Variants in ATP1B3 observed in about 807,000 individuals in gnomAD.
ATP1B3 encodes sodium/potassium-transporting ATPase subunit beta-3.
A neutral mutation model predicts 30.2 loss-of-function variants in ATP1B3; 10 were observed. The ratio of observed to expected loss-of-function variants is 0.33; its 90% CI spans 0.20 to 0.56. The LOEUF (loss-of-function observed/expected upper bound fraction) is 0.56, where lower values mean the gene tolerates loss of function less well. Ranked by LOEUF, ATP1B3 falls within the 20% of genes least tolerant of loss-of-function variation. The probability of loss-of-function intolerance (pLI) is 0.90; values close to 1 mark genes in which losing one functional copy is unlikely to be tolerated. For missense variants in ATP1B3, 238 were observed against 336.7 expected (o/e 0.71, Z 2.29); for synonymous variants, 113 against 117.0 (o/e 0.97, Z 0.22).
At chr3:141,877,362 C>G (rs1933625934) in intron 1 of ATP1B3, among the ~76,000 whole-genome samples, 1 of 152,156 alleles carries the variant, frequency 6.6e-6, no homozygotes, top group Admixed American at 6.5e-5. Flanking sequence ...AGACCCTGCC[C>G]CACTCCAGGG....
chr3:141,876,643 A>G lies in ATP1B3; in HGVS notation c.-159A>G. 2.6e-6 allele frequency: 1 copy of G among 389,940 alleles called. No individual in the cohort carries two copies. The highest frequency in any genetic ancestry group is 5.2e-5 in the East Asian group (1 of 19,272). 24.2% of individuals were successfully genotyped at this position (389,940 alleles called of 1,614,324 possible). A position where few individuals can be genotyped will look rare whatever the true frequency, so the allele number is the denominator to read the frequency against. Reference sequence around the variant, plus strand: ...GCGGCCGCCCGGCGCGGCGCGGCGCAGTCGGCTCGAGTACTCCCCGTAACG... The same window carrying G: ...GCGGCCGCCCGGCGCGGCGCGGCGCGGTCGGCTCGAGTACTCCCCGTAACG... On this transcript the variant is annotated 5_prime_UTR_variant, in exon 1 of 7. Transcript: ENST00000286371.
At chr3:141,918,034 C>T (rs1489501762) in intron 5 of ATP1B3, among the ~76,000 whole-genome samples, 1 of 152,088 alleles carries the variant, frequency 6.6e-6, no homozygotes, top group Non-Finnish European at 1.5e-5. Context: ...TCCCAAAGTG[C>T]TGGGATTACA....
At chr3:141,893,531 C>G (rs1072982) in intron 1 of ATP1B3, among the ~76,000 whole-genome samples, 84,745 of 151,832 alleles carry the variant, frequency 0.56, 24,211 homozygotes, top group African/African-American at 0.68. Flanking sequence ...TGTTAGCCCA[C>G]TGTCATAGAA....
In ATP1B3 at chr3:141,890,285, C is replaced by CTTTTTT. The variant is rs775182342; in HGVS notation, c.110-13305_110-13300dup. ...TTTGTTTGTTTGTTTTTTTGTGGGG[C>CTTTTTT]TTTTTTTTTTTTTTTTTTTTTTTTT... On this transcript the variant is annotated intron_variant, in intron 1 of 6. Transcript: ENST00000286371. 4.9e-4 allele frequency among the ~76,000 whole-genome samples: 14 copies of CTTTTTT among 28,562 alleles called. 2 individuals carry two copies. Among genetic ancestry groups the CTTTTTT allele is most frequent in the South Asian group, 3.7e-3 (2 of 540 alleles). The allele number at this position is 28,562 out of a possible 152,430, so 18.7% of individuals were successfully genotyped here. A position where few individuals can be genotyped will look rare whatever the true frequency, so the allele number is the denominator to read the frequency against.
intron 5 of ATP1B3, chr3:141,918,159 A>G (rs1008042385): frequency 6.6e-6 from 1 of 152,210 alleles, no homozygotes; most frequent in African/African-American, 2.4e-5. Context: ...AGATACATTT[A>G]GAAAAAATGT....
intron 1 of ATP1B3, among the ~76,000 whole-genome samples, chr3:141,897,811 G>A (rs577059554): frequency 3.9e-5 from 6 of 152,254 alleles, no homozygotes; most frequent in Admixed American, 6.5e-5. Flanking sequence ...CTAGGCTGAA[G>A]CGATTCTCCC....
intron 2 of ATP1B3, 145 bp downstream of exon 2, chr3:141,903,893 T>C (rs1190165293): frequency 8.5e-6 from 8 of 938,462 alleles, no homozygotes; most frequent in Non-Finnish European, 1.2e-5. Flanking sequence ...GCGATTCTCC[T>C]GCCTCCTCAG....
At chr3:141,892,940 C>A (rs555139616) in intron 1 of ATP1B3, among the ~76,000 whole-genome samples, 1 of 152,248 alleles carries the variant, frequency 6.6e-6, no homozygotes, top group South Asian at 2.1e-4. Flanking sequence ...TAAGGAAAAG[C>A]AATTAAAACA....
intron 1 of ATP1B3, 88 bp downstream of exon 1, chr3:141,876,998 G>A (rs915790218): frequency 2.8e-6 from 3 of 1,057,020 alleles, no homozygotes; most frequent in African/African-American, 1.7e-5. Context: ...GGCGGGAGGC[G>A]GCTCCCAGCG....
At chr3:141,899,949 T>G (rs1438985142) in intron 1 of ATP1B3, among the ~76,000 whole-genome samples, 4 of 152,114 alleles carry the variant, frequency 2.6e-5, no homozygotes, top group Non-Finnish European at 5.9e-5. Context: ...GAGAATCACT[T>G]GAGCCGAGGA....
rs186907171 is a variant in ATP1B3 at position 141,915,631 on chromosome 3, T to G, written c.532-339T>G. Among the ~76,000 whole-genome samples, 707 of 152,322 alleles carry G rather than the reference T, an allele frequency of 4.6e-3. 1 individual carries two copies. Among genetic ancestry groups the G allele is most frequent in the Non-Finnish European group, 7.6e-3 (520 of 68,036 alleles). ...CTTCTGCAGTTCTTATTATATACATTAAATTATTTGTTCATATAAATATTA... is the reference window on the plus strand; with the variant it reads ...CTTCTGCAGTTCTTATTATATACATGAAATTATTTGTTCATATAAATATTA... On this transcript the variant is annotated intron_variant, in intron 4 of 6. Coordinates refer to ENST00000286371, the MANE Select transcript of ATP1B3 (RefSeq NM_001679.4).
In ATP1B3 at chr3:141,876,783, C is replaced by A; in HGVS notation, c.-19C>A. Reference sequence around the variant, plus strand: ...CCATCCCCGCGGCCGCAGCTCCTCTCGCCGTCCGCGCGCACACCATGACGA... The same window carrying A: ...CCATCCCCGCGGCCGCAGCTCCTCTAGCCGTCCGCGCGCACACCATGACGA... On this transcript the variant is annotated 5_prime_UTR_variant, in exon 1 of 7. Coordinates refer to ENST00000286371, the MANE Select transcript of ATP1B3 (RefSeq NM_001679.4). 6.3e-7 allele frequency: 1 copy of A among 1,584,548 alleles called. No individual in the cohort carries two copies. The highest frequency in any genetic ancestry group is 8.6e-7 in the Non-Finnish European group (1 of 1,163,420).
chr3:141,900,631 C>T (rs1934145400), intron 1 of ATP1B3, among the ~76,000 whole-genome samples: 1 of 152,082 alleles, frequency 6.6e-6, no homozygotes, highest in Admixed American at 6.5e-5. Flanking sequence ...CTATGGAGGA[C>T]TGAGCCCGTA....
intron 2 of ATP1B3, among the ~76,000 whole-genome samples, chr3:141,906,591 A>G (rs1934269741): frequency 6.6e-6 from 1 of 152,196 alleles, no homozygotes; most frequent in African/African-American, 2.4e-5. Flanking sequence ...ATGGGTGTCA[A>G]CTTCTGATAG....
At chr3:141,901,556 T>A (rs1934163601) in intron 1 of ATP1B3, among the ~76,000 whole-genome samples, 1 of 152,220 alleles carries the variant, frequency 6.6e-6, no homozygotes, top group South Asian at 2.1e-4. Context: ...GCCACTAGTA[T>A]ATGGCATCAG....
intron 2 of ATP1B3, among the ~76,000 whole-genome samples, chr3:141,906,203 G>A (rs572109408): frequency 2.3e-4 from 34 of 149,444 alleles, no homozygotes; most frequent in African/African-American, 7.4e-4. Flanking sequence ...TTTTTGAGAC[G>A]AAGTCTCGCT....
At chr3:141,895,287 C>A (rs1183556674) in intron 1 of ATP1B3, among the ~76,000 whole-genome samples, 1 of 150,130 alleles carries the variant, frequency 6.7e-6, no homozygotes, top group African/African-American at 2.5e-5. Context: ...CTCCCGTGTT[C>A]AAGCAATTCT....
intron 3 of ATP1B3, among the ~76,000 whole-genome samples, chr3:141,910,404 C>T (rs1934338259): frequency 6.6e-6 from 1 of 151,924 alleles, no homozygotes; most frequent in Non-Finnish European, 1.5e-5. Flanking sequence ...TACATTATCA[C>T]TTTTCTTTAT....
intron 1 of ATP1B3, among the ~76,000 whole-genome samples, chr3:141,883,957 A>G (rs1341523507): frequency 6.6e-6 from 1 of 152,106 alleles, no homozygotes; most frequent in East Asian, 1.9e-4. Flanking sequence ...CACGCATCTG[A>G]TAATAGTGAC....
Sources: allele counts gnomAD v4.1 joint callset (sites outside exome capture counted in the v4.1 genomes callset), GRCh38; gene constraint gnomAD v4.1.1; transcripts MANE v1.5; gene names NCBI Gene and HGNC (gene_info 2026-07-23, HGNC 2026-07-21).